The following KDM3B variants were observed in gnomAD, a reference collection of about 807,000 sequenced individuals.
KDM3B encodes the protein lysine-specific demethylase 3B.
In KDM3B, 10 loss-of-function variants were observed where a neutral mutation model predicts 170.0. That is an observed-to-expected ratio of 0.06 (90% CI 0.04 to 0.10). The LOEUF is 0.10. Ranked by LOEUF, KDM3B falls within the 10% of genes least tolerant of loss-of-function variation. The pLI is 1.00. For missense variants in KDM3B, 1,394 were observed against 2,195.2 expected, an observed-to-expected ratio of 0.64 and a Z score of 7.29; for synonymous variants, 831 against 834.8, an observed-to-expected ratio of 1.00 and a Z score of 0.08.
In KDM3B at chr5:138,409,789, A is replaced by T. The variant is rs1263037559; in HGVS notation, c.3200-5343A>T. ...GTTAAAAGATAAAGAAAAAATAACA[A>T]TAATGAAAAATAGGCCGAGCGCCGT... On this transcript the variant is annotated intron_variant, in intron 11 of 23. Coordinates refer to ENST00000314358, the MANE Select transcript of KDM3B (RefSeq NM_016604.4). Among the ~76,000 whole-genome samples the T allele has an allele frequency of 8.5e-5, 13 of 152,208 alleles. No individual in the cohort carries two copies. The South Asian group carries it at 1.9e-3, about 22-fold the overall frequency.
At chr5:138,429,772 T>C in intron 20 of KDM3B, 54 bp from the exon 21 acceptor site, 1 of 1,580,698 alleles carries the variant, frequency 6.3e-7, no homozygotes, top group Non-Finnish European at 8.7e-7. Context: ...TTCATTTCAC[T>C]CAGTGGTACT....
At chr5:138,386,978 A>G (rs1370512123) in intron 7 of KDM3B, among the ~76,000 whole-genome samples, 2 of 152,358 alleles carry the variant, frequency 1.3e-5, no homozygotes, top group South Asian at 2.1e-4. Flanking sequence ...AATGAATTAC[A>G]GTATTGGTAA....
At chr5:138,428,505 C>G (rs1183041785) in intron 20 of KDM3B, among the ~76,000 whole-genome samples, 1 of 152,184 alleles carries the variant, frequency 6.6e-6, no homozygotes, top group Non-Finnish European at 1.5e-5. Flanking sequence ...GCCACTGCAC[C>G]CGGCTTCTTT....
At chr5:138,376,935 T>C (rs1337083462) in intron 3 of KDM3B, among the ~76,000 whole-genome samples, 2 of 152,186 alleles carry the variant, frequency 1.3e-5, no homozygotes, top group South Asian at 2.1e-4. Flanking sequence ...TTTTCACTTG[T>C]AAGGGTTGCT....
intron 7 of KDM3B, among the ~76,000 whole-genome samples, chr5:138,389,660 T>C (rs191857104): frequency 4.3e-4 from 65 of 152,300 alleles, no homozygotes; most frequent in African/African-American, 1.5e-3. Flanking sequence ...TATCATCCTC[T>C]ACTACTTGAA....
At chr5:138,381,164 G>A (rs904101058) in intron 5 of KDM3B, among the ~76,000 whole-genome samples, 3 of 152,090 alleles carry the variant, frequency 2.0e-5, no homozygotes, top group Admixed American at 6.5e-5. Context: ...GTGAACCACC[G>A]CACCCAGCCC....
chr5:138,362,158 A>G (rs937945478), intron 1 of KDM3B, among the ~76,000 whole-genome samples: 2 of 151,980 alleles, frequency 1.3e-5, no homozygotes, highest in Non-Finnish European at 2.9e-5. Flanking sequence ...TGTCTCTACT[A>G]AAAAATACAA....
In KDM3B at chr5:138,436,897, G is replaced by A. The variant is rs1763688482; in HGVS notation, c.*1197G>A. ...CCTGCAGGCTGTTTATATGTTCACAGTTACTTTTTTTTTTTTTTTTAAATA... is the reference window on the plus strand; with the variant it reads ...CCTGCAGGCTGTTTATATGTTCACAATTACTTTTTTTTTTTTTTTTAAATA... On this transcript the variant is annotated 3_prime_UTR_variant, in exon 24 of 24. Coordinates refer to ENST00000314358, the MANE Select transcript of KDM3B (RefSeq NM_016604.4). 1 of 121,468 alleles carries A rather than the reference G, an allele frequency of 8.2e-6. No homozygotes were observed. Among genetic ancestry groups the A allele is most frequent in the African/African-American group, 3.0e-5 (1 of 33,354 alleles). The allele number at this position is 121,468 out of a possible 1,614,324, so 7.5% of individuals were successfully genotyped here.
intron 2 of KDM3B, among the ~76,000 whole-genome samples, chr5:138,373,994 G>GT (rs1015154674): frequency 2.0e-4 from 30 of 151,874 alleles, no homozygotes; most frequent in African/African-American, 5.1e-4. Context: ...TTTGTCTTTT[G>GT]TTTTTTGTTT....
At chr5:138,378,905 A>C (rs1053231492) in intron 4 of KDM3B, among the ~76,000 whole-genome samples, 8 of 151,972 alleles carry the variant, frequency 5.3e-5, no homozygotes, top group African/African-American at 1.9e-4. Flanking sequence ...TGATTTAGCT[A>C]TATAGTCTCA....
chr5:138,412,412 C>T (rs970323372), intron 11 of KDM3B, among the ~76,000 whole-genome samples: 17 of 151,626 alleles, frequency 1.1e-4, no homozygotes, highest in Non-Finnish European at 1.8e-4. Flanking sequence ...CCAACAGTTA[C>T]GGAGGCCAAG....
intron 19 of KDM3B, 26 bp downstream of exon 19, chr5:138,427,345 CT>C: frequency 6.3e-7 from 1 of 1,594,674 alleles, no homozygotes; most frequent in East Asian, 2.3e-5. Flanking sequence ...TAAAATTGCT[CT>C]TTTGGGGGAC....
intron 23 of KDM3B, among the ~76,000 whole-genome samples, chr5:138,432,451 T>C (rs1358870090): frequency 6.6e-6 from 1 of 152,076 alleles, no homozygotes; most frequent in East Asian, 1.9e-4. Context: ...GGGTGGATCA[T>C]GAGGTCAGGA....
chr5:138,428,133 TG>T, intron 20 of KDM3B, 47 bp downstream of exon 20: 1 of 1,589,056 alleles, frequency 6.3e-7, no homozygotes, highest in Non-Finnish European at 8.6e-7. Context: ...GGCTTTGTCT[TG>T]GGAATACAGT....
At chr5:138,376,393 A>G (rs1040942404) in intron 3 of KDM3B, among the ~76,000 whole-genome samples, 1 of 151,964 alleles carries the variant, frequency 6.6e-6, no homozygotes, top group African/African-American at 2.4e-5. Flanking sequence ...TAAGAACACA[A>G]TTCTGAGTCC....
chr5:138,424,110 T>G lies in KDM3B; in HGVS notation c.4008T>G (p.Leu1336=), dbSNP rs1340206581. The G allele has an allele frequency of 6.3e-7, 1 of 1,596,962 alleles. No homozygotes were observed. Among genetic ancestry groups the G allele is most frequent in the East Asian group, 2.2e-5 (1 of 44,640 alleles). ...VKSKASLPNF[L]DHIIASVVEN... is the part of the protein sequence containing the mutation. Reference sequence around the variant, plus strand: ...GCAAGGCCAGCCTACCCAACTTTCTTGACCACATCATTGCCTCAGTGGTAG... The same window carrying G: ...GCAAGGCCAGCCTACCCAACTTTCTGGACCACATCATTGCCTCAGTGGTAG... Residue 1336 remains leucine, a synonymous_variant, in exon 16 of 24, where the codon CTT becomes CTG. Transcript: ENST00000314358.
At chr5:138,370,285 G>GT in intron 1 of KDM3B, among the ~76,000 whole-genome samples, 1 of 152,260 alleles carries the variant, frequency 6.6e-6, no homozygotes, top group Non-Finnish European at 1.5e-5. Flanking sequence ...CTTTGTTGGA[G>GT]TATTACAGAT....
chr5:138,435,094 A>G (rs150510073), intron 23 of KDM3B, among the ~76,000 whole-genome samples: 30 of 152,258 alleles, frequency 2.0e-4, no homozygotes, highest in African/African-American at 6.5e-4. Flanking sequence ...GTGTGTTCCA[A>G]TTTCACAGGT....
intron 17 of KDM3B, 52 bp downstream of exon 17, chr5:138,425,634 C>A: frequency 2.0e-6 from 3 of 1,480,288 alleles, no homozygotes; most frequent in Non-Finnish European, 2.8e-6. Context: ...AAATAAGCAT[C>A]TATACGCCCA....
Sources: gnomAD v4.1 joint callset for allele counts (sites outside exome capture counted in the v4.1 genomes callset) on GRCh38, gnomAD v4.1.1 for gene constraint, MANE v1.5 for transcripts, NCBI Gene and HGNC (gene_info 2026-07-23, HGNC 2026-07-21) for gene names.